PACS2: variants seen among roughly 807,000 people sequenced by gnomAD.
PACS2 encodes the protein phosphofurin acidic cluster sorting protein 2.
Under a neutral mutation model 113.0 loss-of-function variants are expected in PACS2, and 36 were observed. The observed-to-expected ratio is 0.32, with a 90% CI of 0.24 to 0.42. The LOEUF is 0.42. Ranked by LOEUF, PACS2 falls within the 10% of genes least tolerant of loss-of-function variation. The pLI, the probability that PACS2 is intolerant of heterozygous loss-of-function variation, is 1.00. For synonymous variants in PACS2, 589 were observed against 536.1 expected (o/e 1.10, Z -1.36); for missense variants, 1,015 against 1,239.5 (o/e 0.82, Z 2.72).
chr14:105,379,642 G>T, intron 9 of PACS2, 97 bp from the exon 10 acceptor site: 2 of 982,998 alleles, frequency 2.0e-6, no homozygotes, highest in Non-Finnish European at 3.2e-6. Flanking sequence ...GTTGGATTCT[G>T]CAGTCTGTCC....
chr14:105,387,417 C>T (rs2081214419), intron 19 of PACS2, among the ~76,000 whole-genome samples: 1 of 152,240 alleles, frequency 6.6e-6, no homozygotes, highest in Non-Finnish European at 1.5e-5. Context: ...GCTCAGGCAT[C>T]CGGCAGCTTG....
rs587715523 is a variant in PACS2 at position 105,394,678 on chromosome 14, C to A, written c.*6C>A. Reference sequence around the variant, plus strand: ...ACTCCAAGGCCACCTTCTAGCCCCACCCACCAGGGGGCCCACCTCCTGCCC... The same window carrying A: ...ACTCCAAGGCCACCTTCTAGCCCCAACCACCAGGGGGCCCACCTCCTGCCC... On this transcript the variant is annotated 3_prime_UTR_variant, in exon 25 of 25. Coordinates refer to ENST00000447393, the MANE Select transcript of PACS2 (RefSeq NM_001100913.3). 38 of 1,582,636 alleles carry A rather than the reference C, an allele frequency of 2.4e-5. No homozygotes were observed. In the South Asian group the frequency reaches 3.6e-4, roughly 15 times the overall value.
At chr14:105,367,741 ACTC>A (rs1478922005) in intron 5 of PACS2, among the ~76,000 whole-genome samples, 6 of 152,078 alleles carry the variant, frequency 3.9e-5, no homozygotes, top group African/African-American at 1.4e-4. Flanking sequence ...GGCCTCCCCT[ACTC>A]CTCAGGCGGG....
In PACS2 at chr14:105,391,686, G is replaced by GA; in HGVS notation, c.2175_2176insA (p.Ser726IlefsTer118). ...CTGGCACGCTCTCCTCCACCCCGCCGTCCGCATCTCCTGCGGCCAAGGAGG... is the reference window on the plus strand; with the variant it reads ...CTGGCACGCTCTCCTCCACCCCGCCGATCCGCATCTCCTGCGGCCAAGGAGG... On this transcript the variant is annotated frameshift_variant, in exon 22 of 25. Coordinates refer to ENST00000447393, the MANE Select transcript of PACS2 (RefSeq NM_001100913.3). LOFTEE classifies it high-confidence loss of function. 6.2e-7 allele frequency: 1 copy of GA among 1,608,036 alleles called. No individual in the cohort carries two copies.
rs2058494871 is a variant in PACS2 at position 105,314,847 on chromosome 14, C to T, written c.-72C>T. 1.5e-6 allele frequency: 1 copy of T among 662,022 alleles called. No homozygotes were observed. 41.0% of individuals were successfully genotyped at this position (662,022 alleles called of 1,614,324 possible). On this transcript the variant is annotated 5_prime_UTR_variant, in exon 1 of 25. Coordinates refer to ENST00000447393, the MANE Select transcript of PACS2 (RefSeq NM_001100913.3). ...GACCGCGCCGCCGCCCTCCGCGCGCCCGGCCCGCCCGCCGCGCGTCCGCGG... is the reference window on the plus strand; with the variant it reads ...GACCGCGCCGCCGCCCTCCGCGCGCTCGGCCCGCCCGCCGCGCGTCCGCGG...
At chr14:105,380,809 C>T in intron 11 of PACS2, 148 bp from the exon 12 acceptor site, 2 of 731,506 alleles carry the variant, frequency 2.7e-6, no homozygotes, top group Non-Finnish European at 2.1e-6. Flanking sequence ...AGCTAGGCTC[C>T]CTGGTCAGCG....
intron 1 of PACS2, among the ~76,000 whole-genome samples, chr14:105,346,128 A>T (rs1238308252): frequency 1.3e-5 from 2 of 152,316 alleles, no homozygotes; most frequent in East Asian, 3.9e-4. Flanking sequence ...TGTCTGTAGT[A>T]GGCAGGCTTG....
Position 105,391,712 on chromosome 14 carries a change from C to A in PACS2, c.2201C>A (p.Ala734Asp). 6.2e-7 allele frequency: 1 copy of A among 1,600,320 alleles called. No individual in the cohort carries two copies. Among genetic ancestry groups the A allele is most frequent in the Non-Finnish European group, 8.5e-7 (1 of 1,173,664 alleles). The change falls in exon 22 of 25, where the codon GCC (alanine) becomes GAC (aspartate). Residue 734 changes from alanine to aspartate, a missense_variant. This residue lies in a region of PACS2 where 859 missense variants were observed against 1,056.8 expected (regional missense o/e 0.81). Transcript: ENST00000447393. Reference sequence around the variant, plus strand: ...TCCGCATCTCCTGCGGCCAAGGAGGCCTCACCCACCCCGCCCTCCTCCCCG... The same window carrying A: ...TCCGCATCTCCTGCGGCCAAGGAGGACTCACCCACCCCGCCCTCCTCCCCG... ...PPSASPAAKE[A>D]SPTPPSSPSV... is the part of the protein sequence containing the mutation.
intron 1 of PACS2, among the ~76,000 whole-genome samples, chr14:105,343,197 T>A (rs1288135104): frequency 6.6e-6 from 1 of 152,218 alleles, no homozygotes; most frequent in Non-Finnish European, 1.5e-5. Context: ...CACGATGCCT[T>A]CCAGATCCAT....
At chr14:105,326,096 T>G (rs1394102296) in intron 1 of PACS2, among the ~76,000 whole-genome samples, 1 of 152,252 alleles carries the variant, frequency 6.6e-6, no homozygotes, top group African/African-American at 2.4e-5. Context: ...TTCCCTCTTT[T>G]TAGATGCAAA....
intron 8 of PACS2, chr14:105,371,986 C>G (rs1313604564): frequency 2.6e-5 from 4 of 152,240 alleles, no homozygotes; most frequent in African/African-American, 9.6e-5. Flanking sequence ...GCGGGCAGAG[C>G]TCTCGGGCCC....
intron 1 of PACS2, among the ~76,000 whole-genome samples, chr14:105,321,234 A>G (rs587675827): frequency 6.6e-6 from 1 of 152,346 alleles, no homozygotes; most frequent in African/African-American, 2.4e-5. Flanking sequence ...TTTGTCTATT[A>G]GATCAAGCTT....
chr14:105,327,307 G>C (rs1665078156), intron 1 of PACS2, among the ~76,000 whole-genome samples: 1 of 152,200 alleles, frequency 6.6e-6, no homozygotes, highest in Non-Finnish European at 1.5e-5. Context: ...CTGAGGGGAT[G>C]TGCGCGGCCA....
intron 1 of PACS2, among the ~76,000 whole-genome samples, chr14:105,304,725 G>C (rs2058131683): frequency 6.6e-6 from 1 of 152,234 alleles, no homozygotes; most frequent in Non-Finnish European, 1.5e-5. Flanking sequence ...CCACGTGGCT[G>C]CAGAGGCCTC....
rs2060517176 is a variant in PACS2 at position 105,357,898 on chromosome 14, G to A, written c.423+2721G>A. Among the ~76,000 whole-genome samples, 2 of 152,166 alleles carry A rather than the reference G, an allele frequency of 1.3e-5. No individual in the cohort carries two copies. The highest frequency in any genetic ancestry group is 2.9e-5 in the Non-Finnish European group (2 of 68,022). On this transcript the variant is annotated intron_variant, in intron 4 of 24. Coordinates refer to ENST00000447393, the MANE Select transcript of PACS2 (RefSeq NM_001100913.3). The surrounding 1 kb of genome is among the most constrained non-coding windows in gnomAD (Gnocchi z 5.1). Reference sequence around the variant, plus strand: ...CGGCGGTGGGGAAGGGTCCTTGAGGGCACAGGGTGGGGTGAGGCGGGCTGT... The same window carrying A: ...CGGCGGTGGGGAAGGGTCCTTGAGGACACAGGGTGGGGTGAGGCGGGCTGT...
intron 1 of PACS2, among the ~76,000 whole-genome samples, chr14:105,336,820 C>A (rs999463744): frequency 9.9e-5 from 15 of 152,186 alleles, no homozygotes; most frequent in African/African-American, 3.6e-4. Flanking sequence ...AGGACGGCAG[C>A]CCCTCGGGAA....
At chr14:105,385,972 C>A (rs1238409611) in intron 19 of PACS2, among the ~76,000 whole-genome samples, 1 of 152,256 alleles carries the variant, frequency 6.6e-6, no homozygotes, top group Non-Finnish European at 1.5e-5. Flanking sequence ...AGCAGATGGG[C>A]CCTCCTGTCC....
intron 23 of PACS2, 32 bp downstream of exon 23, chr14:105,392,877 C>A: frequency 1.3e-6 from 2 of 1,502,410 alleles, no homozygotes; most frequent in Non-Finnish European, 1.8e-6. Context: ...GGCCACACGG[C>A]GCAGAAGGGC....
chr14:105,314,850 G>T lies in PACS2; in HGVS notation c.-69G>T. The T allele has an allele frequency of 1.4e-6, 1 of 690,150 alleles. No individual in the cohort carries two copies. Among genetic ancestry groups the T allele is most frequent in the Non-Finnish European group, 1.8e-6 (1 of 565,790 alleles). The allele number at this position is 690,150 out of a possible 1,614,324, so 42.8% of individuals were successfully genotyped here. ...CGCGCCGCCGCCCTCCGCGCGCCCG[G>T]CCCGCCCGCCGCGCGTCCGCGGCCC... On this transcript the variant is annotated 5_prime_UTR_variant, in exon 1 of 25. Transcript: ENST00000447393.
Sources: allele counts gnomAD v4.1 joint callset (sites outside exome capture counted in the v4.1 genomes callset), GRCh38; gene constraint gnomAD v4.1.1; regional missense constraint gnomAD v4.1.1; non-coding constraint Gnocchi (gnomAD v3.1); transcripts MANE v1.5; gene names NCBI Gene and HGNC (gene_info 2026-07-23, HGNC 2026-07-21).